BMPER: variants seen among roughly 807,000 people sequenced by gnomAD.
BMPER encodes the protein BMP-binding endothelial regulator protein.
In BMPER, 45 loss-of-function variants were observed where a neutral mutation model predicts 87.3. The observed-to-expected ratio is 0.52, with a 90% CI of 0.41 to 0.66. The LOEUF (loss-of-function observed/expected upper bound fraction) is 0.66, where lower values mean the gene tolerates loss of function less well. Ranked by LOEUF, BMPER falls within the 30% of genes least tolerant of loss-of-function variation. The pLI is 0.00. For synonymous variants in BMPER, 326 were observed against 316.2 expected (o/e 1.03, Z -0.33); for missense variants, 784 against 867.5 (o/e 0.90, Z 1.21).
intron 6 of BMPER, among the ~76,000 whole-genome samples, chr7:33,976,965 T>C (rs1345802195): frequency 6.6e-6 from 1 of 152,246 alleles, no homozygotes; most frequent in African/African-American, 2.4e-5. Flanking sequence ...TATCCTTGTA[T>C]TCTAATTTCA....
intron 6 of BMPER, among the ~76,000 whole-genome samples, chr7:33,976,091 A>G (rs1785680327): frequency 6.6e-6 from 1 of 152,176 alleles, no homozygotes; most frequent in African/African-American, 2.4e-5. Context: ...ATGAGCTTGC[A>G]TATTCCAACT....
At chr7:34,100,879 C>A (rs1789663304) in intron 13 of BMPER, among the ~76,000 whole-genome samples, 1 of 152,164 alleles carries the variant, frequency 6.6e-6, no homozygotes, top group Admixed American at 6.5e-5. Flanking sequence ...TCAGACATGT[C>A]CACACTCCCC....
chr7:33,960,860 G>A (rs1785252877), intron 3 of BMPER, among the ~76,000 whole-genome samples: 1 of 152,174 alleles, frequency 6.6e-6, no homozygotes, highest in Non-Finnish European at 1.5e-5. Flanking sequence ...ATGAAATTAA[G>A]CATTTATCAA....
rs187664259 is a variant in BMPER, at chr7:34,040,322, G to T, written c.577-5984G>T. 4.6e-5 allele frequency among the ~76,000 whole-genome samples: 7 copies of T among 152,302 alleles called. No homozygotes were observed. In the East Asian group the frequency reaches 1.2e-3, roughly 25 times the overall value. On this transcript the variant is annotated intron_variant, in intron 6 of 14. Coordinates refer to ENST00000649409, the MANE Select transcript of BMPER (RefSeq NM_001365308.1). ...CTTATCTGGTGCCCCTATAGGCAGA[G>T]CCTATCTTGGACTAAGCTAGCAAAG...
chr7:34,132,562 G>C (rs957977955), intron 13 of BMPER, among the ~76,000 whole-genome samples: 1 of 152,224 alleles, frequency 6.6e-6, no homozygotes, highest in African/African-American at 2.4e-5. Context: ...GAGGGGACTA[G>C]AACAATTTCA....
chr7:34,131,966 G>A (rs1290487711), intron 13 of BMPER, among the ~76,000 whole-genome samples: 1 of 152,130 alleles, frequency 6.6e-6, no homozygotes, highest in African/African-American at 2.4e-5. Flanking sequence ...CTTTTCTTTA[G>A]GGATTCGTTG....
intron 1 of BMPER, 55 bp downstream of exon 1, chr7:33,905,801 GAAAGGTGGCGCTGGCTT>G: frequency 2.1e-6 from 2 of 974,954 alleles, no homozygotes; most frequent in African/African-American, 1.7e-5. Context: ...TGGTACCTGG[GAAAGGTGGCGCTGGCTT>G]GCCCCGGGGA....
At chr7:34,029,536 C>G (rs1446569903) in intron 6 of BMPER, among the ~76,000 whole-genome samples, 2 of 152,122 alleles carry the variant, frequency 1.3e-5, no homozygotes, top group African/African-American at 4.8e-5. Flanking sequence ...AGCTCCTTGA[C>G]CCAAACCAAC....
chr7:33,960,593 T>G (rs1325081208), intron 3 of BMPER, among the ~76,000 whole-genome samples: 1 of 152,210 alleles, frequency 6.6e-6, no homozygotes, highest in Non-Finnish European at 1.5e-5. Flanking sequence ...TATGACTGTT[T>G]GTGTGCTTAT....
chr7:34,096,086 G>T (rs980648372), intron 13 of BMPER, among the ~76,000 whole-genome samples: 6 of 152,194 alleles, frequency 3.9e-5, no homozygotes, highest in African/African-American at 1.4e-4. Flanking sequence ...GTGCGAACAG[G>T]CCTGAGTGCT....
At chr7:34,080,210 T>C (rs1211315424) in intron 12 of BMPER, among the ~76,000 whole-genome samples, 1 of 152,240 alleles carries the variant, frequency 6.6e-6, no homozygotes, top group Non-Finnish European at 1.5e-5. Flanking sequence ...TTCCCGTTTC[T>C]TTAGATAATG....
chr7:34,008,720 AT>A (rs1243611519), intron 6 of BMPER, among the ~76,000 whole-genome samples: 1 of 152,014 alleles, frequency 6.6e-6, no homozygotes, highest in South Asian at 2.1e-4. Flanking sequence ...CCTAACTTGA[AT>A]GGCAATGTCC....
At chr7:33,964,322 A>G (rs1785350964) in intron 3 of BMPER, among the ~76,000 whole-genome samples, 1 of 152,182 alleles carries the variant, frequency 6.6e-6, no homozygotes, top group South Asian at 2.1e-4. Context: ...TACATATACT[A>G]AAGAGATTTT....
intron 6 of BMPER, among the ~76,000 whole-genome samples, chr7:34,023,089 G>A (rs886497186): frequency 3.9e-5 from 6 of 151,996 alleles, no homozygotes; most frequent in African/African-American, 7.2e-5. Context: ...AAGTGGCATC[G>A]TTTTGCACAT....
intron 14 of BMPER, among the ~76,000 whole-genome samples, chr7:34,152,225 T>G (rs954134259): frequency 1.3e-5 from 2 of 152,210 alleles, no homozygotes; most frequent in Non-Finnish European, 2.9e-5. Context: ...AAGATGGAAT[T>G]GTTATTGGTG....
chr7:33,938,564 T>C (rs1281818395), intron 3 of BMPER, among the ~76,000 whole-genome samples: 1 of 152,066 alleles, frequency 6.6e-6, no homozygotes, highest in Middle Eastern at 3.2e-3. Context: ...CCAAGTGCCT[T>C]CAGAGGTAGC....
At chr7:34,088,911 C>A (rs1380762060) in intron 13 of BMPER, among the ~76,000 whole-genome samples, 1 of 152,164 alleles carries the variant, frequency 6.6e-6, no homozygotes, top group African/African-American at 2.4e-5. Context: ...TCTTTTGCGA[C>A]ACTTCCTCCA....
chr7:34,106,732 C>G (rs1583446486), intron 13 of BMPER, among the ~76,000 whole-genome samples: 1 of 152,352 alleles, frequency 6.6e-6, no homozygotes, highest in East Asian at 1.9e-4. Flanking sequence ...AATTCTTTAA[C>G]TTGACATCTA....
chr7:34,017,908 C>A (rs1443000654), intron 6 of BMPER, among the ~76,000 whole-genome samples: 1 of 150,066 alleles, frequency 6.7e-6, no homozygotes. Context: ...TTACTCTCTT[C>A]TTGGGAGATC....
Sources: allele counts gnomAD v4.1 joint callset (sites outside exome capture counted in the v4.1 genomes callset), GRCh38; gene constraint gnomAD v4.1.1; transcripts MANE v1.5; gene names NCBI Gene and HGNC (gene_info 2026-07-23, HGNC 2026-07-21).